The following TRPM2 variants were observed in gnomAD, a reference collection of about 807,000 sequenced individuals.
The protein encoded by TRPM2 is transient receptor potential cation channel subfamily M member 2.
In TRPM2, 161 loss-of-function variants were observed where a neutral mutation model predicts 174.0. That is an observed-to-expected ratio of 0.93 (90% CI 0.81 to 1.05). The LOEUF (loss-of-function observed/expected upper bound fraction) is 1.05, where lower values mean the gene tolerates loss of function less well. Ranked by LOEUF, TRPM2 falls within the 50% of genes least tolerant of loss-of-function variation. The pLI is 0.00. For missense variants in TRPM2, 2,057 were observed against 2,038.0 expected, an observed-to-expected ratio of 1.01 and a Z score of -0.18; for synonymous variants, 954 against 861.3, an observed-to-expected ratio of 1.11 and a Z score of -1.88.
Position 44,367,072 on chromosome 21 carries a change from C to A in TRPM2, c.604+138C>A. The stretch of plus-strand genomic sequence containing the variant: ...GCTGTGCCCCAGCCTGAGTCGGACC[C>A]ATGCACCTCTCACCTGGGCACAGCT... On this transcript the variant is annotated intron_variant, in intron 4 of 31. Transcript: ENST00000397928. The surrounding 1 kb of genome is among the most constrained non-coding windows in gnomAD (Gnocchi z 4.6). 1 of 1,050,416 alleles carries A rather than the reference C, an allele frequency of 9.5e-7. No individual in the cohort carries two copies. Among genetic ancestry groups the A allele is most frequent in the Non-Finnish European group, 1.3e-6 (1 of 748,288 alleles). 65.1% of individuals were successfully genotyped at this position (1,050,416 alleles called of 1,614,324 possible).
rs780684451 is a variant in TRPM2, at chr21:44,441,668, T to G, written c.4387-24T>G. 2.5e-5 allele frequency: 39 copies of G among 1,579,108 alleles called. No individual in the cohort carries two copies. In the Middle Eastern group the frequency reaches 2.4e-3, roughly 98 times the overall value. ...GCAGAGGCAGGGCTGGCGGGGAGGG[T>G]CAGCTGTGCCCTTGTTCTTCCAGAA... is the stretch of plus-strand genomic sequence containing the variant. On this transcript the variant is annotated intron_variant, in intron 31 of 31. Transcript: ENST00000397928.
Position 44,405,938 on chromosome 21 carries a change from C to T in TRPM2, c.2691C>T (p.Val897=), listed in dbSNP as rs201215915. The part of the protein sequence containing the change: ...LIPATLYPGR[V]ILSLDFILFC... ...CGGCGACGCTGTACCCCGGGCGCGT[C>T]ATCCTCTCTCTGGACTTCATCCTGT... The change falls in exon 18 of 32, where the codon GTC becomes GTT. Residue 897 remains valine (V), a synonymous_variant. Coordinates refer to ENST00000397928, the MANE Select transcript of TRPM2 (RefSeq NM_003307.4). The T allele has an allele frequency of 3.3e-5, 53 of 1,606,984 alleles. No individual in the cohort carries two copies. The East Asian group carries it at 9.1e-4, about 28-fold the overall frequency.
chr21:44,438,892 C>T lies in TRPM2; in HGVS notation c.4168-175C>T, dbSNP rs565810640. 23 of 553,580 alleles carry T rather than the reference C, an allele frequency of 4.2e-5. No individual in the cohort carries two copies. The highest frequency in any genetic ancestry group is 3.3e-4 in the South Asian group (17 of 50,938). 34.3% of individuals were successfully genotyped at this position (553,580 alleles called of 1,614,324 possible). On this transcript the variant is annotated intron_variant, in intron 29 of 31. Coordinates refer to ENST00000397928, the MANE Select transcript of TRPM2 (RefSeq NM_003307.4). The surrounding 1 kb of genome is among the most constrained non-coding windows in gnomAD (Gnocchi z 5.9). ...CCACGGCAGGCCTCACAGATGCTGACGTGGACGGCGGGTTCTGGGCAATGT... is the reference window on the plus strand; with the variant it reads ...CCACGGCAGGCCTCACAGATGCTGATGTGGACGGCGGGTTCTGGGCAATGT...
At chr21:44,360,916 A>T (rs2048190661) in intron 2 of TRPM2, among the ~76,000 whole-genome samples, 1 of 151,732 alleles carries the variant, frequency 6.6e-6, no homozygotes, top group Admixed American at 6.6e-5. Context: ...CGTGGTCAAG[A>T]TACAGCACTG....
In TRPM2 at chr21:44,377,830, G is replaced by A; in HGVS notation, c.1014+57G>A. On this transcript the variant is annotated intron_variant, in intron 7 of 31. Transcript: ENST00000397928. ...TGGGCCCGTCCTGCTGCAGGCAGAT[G>A]ACTGTCCAAAAGTGCTTGTCTCAGA... 1.9e-6 allele frequency: 3 copies of A among 1,594,350 alleles called. No individual in the cohort carries two copies. The South Asian group carries it at 3.4e-5, about 18-fold the overall frequency.
chr21:44,424,706 C>T (rs889460664), intron 23 of TRPM2, 146 bp from the exon 24 acceptor site: 110 of 527,654 alleles, frequency 2.1e-4, no homozygotes, highest in Non-Finnish European at 5.9e-5. Context: ...CTGGGGAGGA[C>T]GTGGTGTCTC....
At chr21:44,440,544 A>ACGTTTCCAAGG (rs1466393054) in intron 30 of TRPM2, among the ~76,000 whole-genome samples, 1 of 152,134 alleles carries the variant, frequency 6.6e-6, no homozygotes, top group Non-Finnish European at 1.5e-5. Flanking sequence ...CACTGAGCAG[A>ACGTTTCCAAGG]CGTTTCCAAG....
chr21:44,397,572 G>A (rs764396911), intron 12 of TRPM2, among the ~76,000 whole-genome samples, 175 bp from the exon 13 acceptor site: 3 of 151,534 alleles, frequency 2.0e-5, no homozygotes, highest in Non-Finnish European at 4.4e-5. Flanking sequence ...CAGAGGTTGT[G>A]TATTGACTGG....
intron 9 of TRPM2, among the ~76,000 whole-genome samples, chr21:44,389,763 A>G (rs936716587): frequency 6.6e-6 from 1 of 152,042 alleles, no homozygotes; most frequent in Non-Finnish European, 1.5e-5. Context: ...GATTTGTAAG[A>G]GTTATTTATA....
intron 28 of TRPM2, among the ~76,000 whole-genome samples, chr21:44,436,001 C>T (rs1179433308): frequency 3.4e-5 from 5 of 149,184 alleles, no homozygotes; most frequent in Non-Finnish European, 6.0e-5. Context: ...CCCACACTCA[C>T]CCCCTCAGAC....
In TRPM2 at chr21:44,438,308, A is replaced by T. The variant is rs1255697834; in HGVS notation, c.4168-759A>T. ...CGCTCTCTGGCACTTTGGCCTCTCC[A>T]TGCGGGGTGCGTGGAGTTGGGTTTG... is the stretch of plus-strand genomic sequence containing the variant. On this transcript the variant is annotated intron_variant, in intron 29 of 31. Coordinates refer to ENST00000397928, the MANE Select transcript of TRPM2 (RefSeq NM_003307.4). This position sits in a 1 kb window ranked among gnomAD's most constrained non-coding sequence, Gnocchi z 5.9. Among the ~76,000 whole-genome samples, 1 of 152,112 alleles carries T rather than the reference A, an allele frequency of 6.6e-6. No individual in the cohort carries two copies. Among genetic ancestry groups the T allele is most frequent in the East Asian group, 1.9e-4 (1 of 5,184 alleles).
At chr21:44,351,797 C>T (rs2122997984), upstream of TRPM2, among the ~76,000 whole-genome samples, 19 of 152,198 alleles carry the variant, frequency 1.2e-4, no homozygotes, top group Non-Finnish European at 1.5e-4. Flanking sequence ...CCTGCAAAGT[C>T]GGGTGGTGCT....
intron 28 of TRPM2, 95 bp downstream of exon 28, chr21:44,435,312 G>A (rs1431782404): frequency 5.7e-6 from 8 of 1,400,198 alleles, no homozygotes; most frequent in South Asian, 5.1e-5. Context: ...CAGGGGCCGG[G>A]AGGGCGGCTT....
At chr21:44,419,962 G>C (rs2050492465) in intron 22 of TRPM2, among the ~76,000 whole-genome samples, 1 of 151,838 alleles carries the variant, frequency 6.6e-6, no homozygotes, top group Admixed American at 6.6e-5. Flanking sequence ...TGGTGACGAT[G>C]GTGGATGTGG....
chr21:44,407,227 A>G (rs2049932669), intron 19 of TRPM2, among the ~76,000 whole-genome samples: 1 of 100,730 alleles, frequency 9.9e-6, no homozygotes, highest in African/African-American at 4.1e-5. Flanking sequence ...TCCTGCGCTC[A>G]AGTCCTCCTC....
At chr21:44,374,553 T>C (rs1453669013) in intron 5 of TRPM2, among the ~76,000 whole-genome samples, 1 of 152,182 alleles carries the variant, frequency 6.6e-6, no homozygotes, top group East Asian at 1.9e-4. Context: ...TTCCTGCAGC[T>C]AGACGGTCCC....
At position 44,364,199 on chromosome 21, in the gene TRPM2, G is replaced by T; in HGVS notation, c.340G>T (p.Asp114Tyr). 1 of 1,614,188 alleles carries T rather than the reference G, an allele frequency of 6.2e-7. No individual in the cohort carries two copies. Residue 114 changes from aspartate (D) to tyrosine (Y), a missense_variant, in exon 3 of 32, where the codon GAC becomes TAC. Coordinates refer to ENST00000397928, the MANE Select transcript of TRPM2 (RefSeq NM_003307.4). Reference protein sequence around the residue: ...KPHTFQGTQWDPKKHVQEMPT... With the variant: ...KPHTFQGTQWYPKKHVQEMPT... ...CCACACCTTCCAGGGCACACAGTGG[G>T]ACCCAAAGAAACATGTCCAGGAGAT...
At chr21:44,374,782 A>G (rs2048646856) in intron 5 of TRPM2, among the ~76,000 whole-genome samples, 1 of 151,966 alleles carries the variant, frequency 6.6e-6, no homozygotes, top group African/African-American at 2.4e-5. Flanking sequence ...TTCACCCACC[A>G]CCCACCTCCT....
intron 27 of TRPM2, among the ~76,000 whole-genome samples, chr21:44,429,658 T>G (rs1240670377): frequency 6.6e-6 from 1 of 152,238 alleles, no homozygotes; most frequent in Non-Finnish European, 1.5e-5. Context: ...TTGCTGACTT[T>G]GTATCTAACA....
Sources: allele counts gnomAD v4.1 joint callset (sites outside exome capture counted in the v4.1 genomes callset), GRCh38; gene constraint gnomAD v4.1.1; non-coding constraint Gnocchi (gnomAD v3.1); transcripts MANE v1.5; gene names NCBI Gene and HGNC (gene_info 2026-07-23, HGNC 2026-07-21).